KMT5B: variants seen among roughly 807,000 people sequenced by gnomAD.
KMT5B encodes the protein lysine methyltransferase 5B.
KMT5B carries 10 observed loss-of-function variants against 83.2 expected under a neutral mutation model. That is an observed-to-expected ratio of 0.12 (90% CI 0.07 to 0.20). KMT5B has a LOEUF of 0.20. Among genes scored for constraint, KMT5B ranks in the 10% least tolerant of loss-of-function variants. KMT5B has a pLI of 1.00. For synonymous variants in KMT5B, 349 were observed against 388.8 expected, an observed-to-expected ratio of 0.90 and a Z score of 1.20; for missense variants, 753 against 1,067.2, an observed-to-expected ratio of 0.71 and a Z score of 4.10.
chr11:68,165,891 A>T (rs775478965), intron 10 of KMT5B: 1 of 1,612,926 alleles, frequency 6.2e-7, no homozygotes, highest in Admixed American at 1.7e-5. Context: ...AGATTCAGGA[A>T]TTCATGGCAG....
At chr11:68,204,899 G>A (rs1436590282) in intron 1 of KMT5B, among the ~76,000 whole-genome samples, 1 of 152,096 alleles carries the variant, frequency 6.6e-6, no homozygotes, top group Non-Finnish European at 1.5e-5. Flanking sequence ...TTACAGGTGT[G>A]AGCCACCGTG....
intron 6 of KMT5B, 112 bp downstream of exon 6, chr11:68,173,692 C>T (rs1856062172): frequency 1.4e-6 from 1 of 725,704 alleles, no homozygotes; most frequent in Admixed American, 3.0e-5. Context: ...GCATTGGCTA[C>T]TTCAGGGTAA....
chr11:68,162,395 GCT>G (rs1220000826), intron 10 of KMT5B, among the ~76,000 whole-genome samples: 1 of 152,116 alleles, frequency 6.6e-6, no homozygotes, highest in Non-Finnish European at 1.5e-5. Context: ...TGTCTATAGA[GCT>G]GTCTGAAAGG....
chr11:68,166,281 C>T, intron 10 of KMT5B: 6 of 1,110,808 alleles, frequency 5.4e-6, no homozygotes, highest in Non-Finnish European at 5.5e-6. Context: ...AGGGTTTCTT[C>T]TCTTTCCTTT....
rs1028406861 is a variant in KMT5B, at chr11:68,188,659, G to A, written c.160+1258C>T. On this transcript the variant is annotated intron_variant, in intron 2 of 10. Coordinates refer to ENST00000304363, the MANE Select transcript of KMT5B (RefSeq NM_017635.5). Reference sequence around the variant, plus strand: ...CAGGTGTGAGCTACCACGCCCAGACGCATTTTCTAAATTCTTGTGTATCTA... The same window carrying A: ...CAGGTGTGAGCTACCACGCCCAGACACATTTTCTAAATTCTTGTGTATCTA... Among the ~76,000 whole-genome samples, 7 of 152,208 alleles carry A rather than the reference G, an allele frequency of 4.6e-5. No individual in the cohort carries two copies. The East Asian group carries it at 9.7e-4, about 21-fold the overall frequency.
intron 4 of KMT5B, among the ~76,000 whole-genome samples, chr11:68,177,143 GCC>G (rs1424772616): frequency 1.3e-5 from 2 of 152,180 alleles, no homozygotes; most frequent in African/African-American, 2.4e-5. Context: ...AGAAGACATG[GCC>G]ACTGTTCTTG....
At chr11:68,212,840 G>C (rs1861105045) in intron 1 of KMT5B, 1 of 151,478 alleles carries the variant, frequency 6.6e-6, no homozygotes, top group South Asian at 2.1e-4. Flanking sequence ...CCCCAATCGC[G>C]AGCGGCGGGG....
At chr11:68,204,596 G>C (rs952473174) in intron 1 of KMT5B, among the ~76,000 whole-genome samples, 2 of 147,514 alleles carry the variant, frequency 1.4e-5, no homozygotes, top group African/African-American at 2.5e-5. Flanking sequence ...AAAACCGTGA[G>C]AGAATAAATT....
chr11:68,193,997 A>C (rs939530161), intron 1 of KMT5B, among the ~76,000 whole-genome samples: 3 of 151,926 alleles, frequency 2.0e-5, no homozygotes, highest in Non-Finnish European at 4.4e-5. Flanking sequence ...TAAAGTACAA[A>C]GAAAGCTTGA....
intron 10 of KMT5B, chr11:68,165,790 C>T: frequency 1.9e-6 from 3 of 1,566,544 alleles, no homozygotes; most frequent in Non-Finnish European, 2.6e-6. Context: ...GTTGTTCACT[C>T]TGGACATTAA....
intron 1 of KMT5B, among the ~76,000 whole-genome samples, chr11:68,194,472 C>T (rs1338671794): frequency 6.6e-6 from 1 of 152,178 alleles, no homozygotes; most frequent in African/African-American, 2.4e-5. Flanking sequence ...CGATTACAGG[C>T]ATGAGCCATT....
rs1855832008 is a variant in KMT5B at position 68,171,487 on chromosome 11, T to C, written c.820+56A>G. ...TTGACTGAGGTTGACAAGGCCATTC[T>C]AGCAGTTAGCAGGAATGGCCAACAC... is the stretch of plus-strand genomic sequence containing the variant. On this transcript the variant is annotated intron_variant, in intron 7 of 10. Transcript: ENST00000304363. This position sits in a 1 kb window ranked among gnomAD's most constrained non-coding sequence, Gnocchi z 5.1. 1.9e-6 allele frequency: 3 copies of C among 1,544,374 alleles called. No individual in the cohort carries two copies. Among genetic ancestry groups the C allele is most frequent in the Non-Finnish European group, 2.7e-6 (3 of 1,129,602 alleles).
intron 9 of KMT5B, among the ~76,000 whole-genome samples, chr11:68,168,904 T>C (rs1264344288): frequency 1.3e-5 from 2 of 152,238 alleles, no homozygotes; most frequent in Non-Finnish European, 2.9e-5. Context: ...TTATCCTGCA[T>C]GCACTTGGCC....
chr11:68,207,435 G>T (rs112974880), intron 1 of KMT5B, among the ~76,000 whole-genome samples: 1 of 151,930 alleles, frequency 6.6e-6, no homozygotes, highest in African/African-American at 2.4e-5. Context: ...AAAACTCAGA[G>T]AATTAGAAAA....
chr11:68,187,970 C>A (rs1857594547), intron 2 of KMT5B, among the ~76,000 whole-genome samples: 1 of 151,572 alleles, frequency 6.6e-6, no homozygotes, highest in African/African-American at 2.4e-5. Flanking sequence ...ACCTAGCCCT[C>A]TATATTTATC....
At chr11:68,165,948 T>C in intron 10 of KMT5B, 2 of 1,612,928 alleles carry the variant, frequency 1.2e-6, no homozygotes, top group East Asian at 4.5e-5. Context: ...TTCAGGATTC[T>C]CTGTAGTGGA....
intron 4 of KMT5B, chr11:68,176,426 C>G (rs1003425798): frequency 7.2e-5 from 11 of 152,118 alleles, no homozygotes; most frequent in African/African-American, 2.7e-4. Flanking sequence ...TTTCATAAAG[C>G]TAATTCTCCC....
At chr11:68,177,740 A>C (rs1856517633) in intron 4 of KMT5B, among the ~76,000 whole-genome samples, 1 of 152,222 alleles carries the variant, frequency 6.6e-6, no homozygotes, top group South Asian at 2.1e-4. Flanking sequence ...CAGACAGATA[A>C]ATGCAAGTCC....
At chr11:68,192,614 A>C (rs773918179) in intron 1 of KMT5B, among the ~76,000 whole-genome samples, 8 of 152,194 alleles carry the variant, frequency 5.3e-5, no homozygotes, top group Non-Finnish European at 1.0e-4. Context: ...GAAGTTATTT[A>C]TCTCTTTGTT....
Sources: gnomAD v4.1 joint callset for allele counts (sites outside exome capture counted in the v4.1 genomes callset) on GRCh38, gnomAD v4.1.1 for gene constraint, Gnocchi (gnomAD v3.1) non-coding constraint, MANE v1.5 for transcripts, NCBI Gene and HGNC (gene_info 2026-07-23, HGNC 2026-07-21) for gene names.